The following APLF variants were observed in gnomAD, a reference collection of about 807,000 sequenced individuals.
APLF encodes the protein aprataxin and PNKP like factor.
A neutral mutation model predicts 55.6 loss-of-function variants in APLF; 61 were observed. That is an observed-to-expected ratio of 1.10 (90% CI 0.89 to 1.36). The LOEUF (loss-of-function observed/expected upper bound fraction) is 1.36, where lower values mean the gene tolerates loss of function less well. Among genes scored for constraint, APLF ranks in the 40% most tolerant of loss-of-function variants. The probability of loss-of-function intolerance (pLI) is 0.00; values close to 1 mark genes in which losing one functional copy is unlikely to be tolerated. For missense variants in APLF, 611 were observed against 602.5 expected (o/e 1.01, Z -0.15); for synonymous variants, 207 against 214.8 (o/e 0.96, Z 0.32).
chr2:68,515,772 A>G (rs1669562078), intron 5 of APLF: 1 of 967,492 alleles, frequency 1.0e-6, no homozygotes, highest in Non-Finnish European at 1.2e-6. Flanking sequence ...TGGGAGAAGT[A>G]CTTTATAAGA....
At chr2:68,512,202 T>C (rs965031195) in intron 3 of APLF, among the ~76,000 whole-genome samples, 2 of 151,704 alleles carry the variant, frequency 1.3e-5, no homozygotes, top group African/African-American at 4.8e-5. Flanking sequence ...CTTTGTAGTC[T>C]GTCCCTTCAC....
intron 2 of APLF, among the ~76,000 whole-genome samples, chr2:68,492,226 C>T (rs1293000433): frequency 6.6e-6 from 1 of 151,996 alleles, no homozygotes; most frequent in African/African-American, 2.4e-5. Flanking sequence ...CGTCTGTAAT[C>T]CCAGCACTTT....
At chr2:68,565,171 C>T (rs1359752386) in intron 8 of APLF, among the ~76,000 whole-genome samples, 3 of 151,860 alleles carry the variant, frequency 2.0e-5, no homozygotes, top group Admixed American at 6.6e-5. Context: ...AAACCTATCT[C>T]GGAAAATAGA....
At chr2:68,544,166 A>T (rs989713957) in intron 7 of APLF, among the ~76,000 whole-genome samples, 1 of 151,874 alleles carries the variant, frequency 6.6e-6, no homozygotes, top group Non-Finnish European at 1.5e-5. Flanking sequence ...TTTAGTAGAG[A>T]TGGGGTTTCA....
At chr2:68,568,781 A>G (rs903398446) in intron 9 of APLF, among the ~76,000 whole-genome samples, 1 of 152,168 alleles carries the variant, frequency 6.6e-6, no homozygotes, top group Non-Finnish European at 1.5e-5. Flanking sequence ...TGAATGAAGA[A>G]CATATTTTAG....
intron 7 of APLF, among the ~76,000 whole-genome samples, chr2:68,541,156 T>C (rs1020078705): frequency 6.6e-6 from 1 of 152,146 alleles, no homozygotes; most frequent in Non-Finnish European, 1.5e-5. Flanking sequence ...AAATCTCAGA[T>C]AGATTTTTGT....
chr2:68,501,520 A>G (rs1336468735), intron 2 of APLF, among the ~76,000 whole-genome samples: 3 of 152,176 alleles, frequency 2.0e-5, no homozygotes, highest in African/African-American at 4.8e-5. Context: ...ATTATGACAA[A>G]ATGCCTATTT....
At chr2:68,512,069 CAGT>C (rs2103950683) in intron 3 of APLF, among the ~76,000 whole-genome samples, 1 of 151,776 alleles carries the variant, frequency 6.6e-6, no homozygotes, top group Admixed American at 6.6e-5. Context: ...AATTTACACA[CAGT>C]AGAGTTCATC....
At chr2:68,542,371 A>G (rs1469907762) in intron 7 of APLF, among the ~76,000 whole-genome samples, 1 of 152,178 alleles carries the variant, frequency 6.6e-6, no homozygotes, top group Non-Finnish European at 1.5e-5. Context: ...ATGACAACCT[A>G]TGGAATGGGA....
At chr2:68,508,370 G>C (rs1480898527) in intron 3 of APLF, among the ~76,000 whole-genome samples, 5 of 151,792 alleles carry the variant, frequency 3.3e-5, no homozygotes, top group Admixed American at 1.3e-4. Flanking sequence ...GGAAAGAATG[G>C]TCTTTTCAAC....
intron 8 of APLF, among the ~76,000 whole-genome samples, chr2:68,567,018 A>G (rs1029510554): frequency 1.3e-5 from 2 of 152,052 alleles, no homozygotes; most frequent in Non-Finnish European, 2.9e-5. Context: ...TCTATTTTAT[A>G]TTTGCATATA....
intron 5 of APLF, among the ~76,000 whole-genome samples, chr2:68,520,408 G>GT (rs1669863849): frequency 6.6e-6 from 1 of 151,984 alleles, no homozygotes; most frequent in Admixed American, 6.6e-5. Context: ...TTCTAGAAGG[G>GT]TTTTTCTGAT....
At chr2:68,525,996 G>C in intron 5 of APLF, 65 bp from the exon 6 acceptor site, 27 of 1,435,082 alleles carry the variant, frequency 1.9e-5, no homozygotes, top group Non-Finnish European at 2.5e-5. Flanking sequence ...TTCTTTTTTT[G>C]ATATGGATTA....
At chr2:68,478,191 A>C (rs1490551388) in intron 1 of APLF, among the ~76,000 whole-genome samples, 1 of 152,140 alleles carries the variant, frequency 6.6e-6, no homozygotes, top group East Asian at 1.9e-4. Flanking sequence ...GAAAAATTAC[A>C]AGAAAAAGTT....
At chr2:68,469,768 G>A (rs1004860030) in intron 1 of APLF, among the ~76,000 whole-genome samples, 2 of 152,148 alleles carry the variant, frequency 1.3e-5, no homozygotes, top group Non-Finnish European at 2.9e-5. Context: ...GTGAGAGAGC[G>A]AAGACTGAGT....
intron 9 of APLF, among the ~76,000 whole-genome samples, chr2:68,573,399 A>G (rs1671536652): frequency 6.6e-6 from 1 of 152,186 alleles, no homozygotes; most frequent in Non-Finnish European, 1.5e-5. Flanking sequence ...CCGGCCAGGC[A>G]CAGTGGCTCA....
In APLF at chr2:68,513,200, G is replaced by A. The variant is rs1430478270; in HGVS notation, c.462G>A (p.Lys154=). Residue 154 remains lysine, a synonymous_variant, in exon 4 of 10, where the codon AAG becomes AAA. Transcript: ENST00000303795. ...SQLEGSTEIA[K]TQMTPTNSVS... ...TGGAAGGAAGCACAGAAATAGCCAA[G>A]ACCCAGATGACTCCCACAAATAGTG... The A allele has an allele frequency of 2.5e-6, 4 of 1,608,818 alleles. No individual in the cohort carries two copies. Among genetic ancestry groups the A allele is most frequent in the Non-Finnish European group, 3.4e-6 (4 of 1,177,738 alleles).
chr2:68,517,805 G>A lies in APLF; in HGVS notation c.622+4125G>A, dbSNP rs866750642. ...ACTAATATAATGTTAATATATAACA[G>A]TAATATATCACTAATATGTGTTAAT... On this transcript the variant is annotated intron_variant, in intron 5 of 9. Transcript: ENST00000303795. Among the ~76,000 whole-genome samples the A allele has an allele frequency of 1.5e-4, 21 of 142,608 alleles. 1 individual carries two copies. In the South Asian group the frequency reaches 2.9e-3, roughly 20 times the overall value. The allele number at this position is 142,608 out of a possible 152,430, so 93.6% of individuals were successfully genotyped here. A position where few individuals can be genotyped will look rare whatever the true frequency, so the allele number is the denominator to read the frequency against.
chr2:68,488,189 C>T lies in APLF; in HGVS notation c.97-2001C>T, dbSNP rs970600518. On this transcript the variant is annotated intron_variant, in intron 1 of 9. Transcript: ENST00000303795. ...TACTCTGTTGGTTAGAAAATTGGTT[C>T]GTAGTATGGAAGTAACAATGAGATT... Among the ~76,000 whole-genome samples the T allele has an allele frequency of 4.6e-5, 7 of 151,870 alleles. 1 individual carries two copies. Among genetic ancestry groups the T allele is most frequent in the African/African-American group, 1.2e-4 (5 of 41,312 alleles).
Sources: gnomAD v4.1 joint callset for allele counts (sites outside exome capture counted in the v4.1 genomes callset) on GRCh38, gnomAD v4.1.1 for gene constraint, MANE v1.5 for transcripts, NCBI Gene and HGNC (gene_info 2026-07-23, HGNC 2026-07-21) for gene names.